Variants in SGCD observed in about 807,000 individuals in gnomAD.
SGCD encodes sarcoglycan delta, also known as delta-sarcoglycan.
In SGCD, 18 loss-of-function variants were observed where a neutral mutation model predicts 36.6. That is an observed-to-expected ratio of 0.49 (90% confidence interval 0.34 to 0.73). SGCD has a LOEUF of 0.73. SGCD is among the 30% of genes least tolerant of loss of function. The probability of loss-of-function intolerance (pLI) is 0.01; values close to 1 mark genes in which losing one functional copy is unlikely to be tolerated. For synonymous variants in SGCD, 133 were observed against 130.6 expected (o/e 1.02, Z -0.12); for missense variants, 387 against 346.7 (o/e 1.12, Z -0.92).
intron 7 of SGCD, among the ~76,000 whole-genome samples, chr5:156,683,141 G>C (rs971513364): frequency 5.9e-5 from 9 of 152,190 alleles, no homozygotes. Flanking sequence ...GAGATATATA[G>C]ATGTTTAGTT....
chr5:155,754,178 A>G, the SGCD span, among the ~76,000 whole-genome samples: 1 of 152,230 alleles, frequency 6.6e-6, no homozygotes, highest in Admixed American at 6.5e-5. Context: ...ACCTGTGACC[A>G]TGAATGCTTT....
At chr5:156,172,112 G>C (rs1251284332) in intron 3 of SGCD, among the ~76,000 whole-genome samples, 1 of 152,046 alleles carries the variant, frequency 6.6e-6, no homozygotes, top group Non-Finnish European at 1.5e-5. Flanking sequence ...GTGAAATCCT[G>C]TCTCTACTAA....
intron 3 of SGCD, among the ~76,000 whole-genome samples, chr5:156,292,980 TTCTC>T (rs1766798560): frequency 6.6e-6 from 1 of 151,876 alleles, no homozygotes; most frequent in Non-Finnish European, 1.5e-5. Context: ...GTTTTAGGAG[TTCTC>T]TCTATATTCT....
chr5:156,436,671 T>C (rs540352332), intron 3 of SGCD, among the ~76,000 whole-genome samples: 8 of 152,326 alleles, frequency 5.3e-5, no homozygotes, highest in African/African-American at 1.9e-4. Context: ...TTGCCTTTCC[T>C]ATTATATCAT....
chr5:155,805,834 C>T, the SGCD span, among the ~76,000 whole-genome samples: 1 of 152,296 alleles, frequency 6.6e-6, no homozygotes, highest in South Asian at 2.1e-4. Flanking sequence ...GTCATTTACA[C>T]TAGGACAACC....
At chr5:156,001,716 TAAG>T (rs926582072) in intron 1 of SGCD, among the ~76,000 whole-genome samples, 6 of 152,346 alleles carry the variant, frequency 3.9e-5, no homozygotes, top group Admixed American at 3.9e-4. Context: ...TGAAATCTAT[TAAG>T]AAGAAGAATA....
At chr5:156,641,986 A>G (rs1763043767) in intron 6 of SGCD, among the ~76,000 whole-genome samples, 1 of 152,116 alleles carries the variant, frequency 6.6e-6, no homozygotes, top group Non-Finnish European at 1.5e-5. Context: ...TAAAAAACAG[A>G]AATTTATTTT....
chr5:156,275,982 G>C (rs1766309695), intron 3 of SGCD, among the ~76,000 whole-genome samples: 1 of 152,114 alleles, frequency 6.6e-6, no homozygotes, highest in East Asian at 1.9e-4. Flanking sequence ...TCCAGTGTCA[G>C]TTTCGGGTAT....
chr5:155,771,259 CT>C, the SGCD span, among the ~76,000 whole-genome samples: 9,480 of 151,674 alleles, frequency 0.063, 953 homozygotes, highest in African/African-American at 0.22. Context: ...TAGATTTTTC[CT>C]TTTTTTAACA....
chr5:156,024,756 G>T (rs559643236), intron 1 of SGCD, among the ~76,000 whole-genome samples: 1 of 152,026 alleles, frequency 6.6e-6, no homozygotes. Context: ...TTAGGAGTTC[G>T]CAACCAGCCT....
chr5:156,055,146 C>A (rs1760027409), intron 1 of SGCD, among the ~76,000 whole-genome samples: 1 of 131,226 alleles, frequency 7.6e-6, no homozygotes. Flanking sequence ...TTCCAGTTTT[C>A]TATTTTTTTT....
the SGCD span, among the ~76,000 whole-genome samples, chr5:155,849,141 C>A: frequency 6.6e-6 from 1 of 152,130 alleles, no homozygotes; most frequent in East Asian, 1.9e-4. Flanking sequence ...TCCTCAAGTT[C>A]TGCACATTTA....
At chr5:156,333,783 ATTTTTTTTTTTTTTTTTTTTTTTTT>A (rs70984404) in intron 2 of SGCD, among the ~76,000 whole-genome samples, 1 of 19,932 alleles carries the variant, frequency 5.0e-5, no homozygotes, top group Non-Finnish European at 9.5e-5. Flanking sequence ...TAGAAAAGTG[ATTTTTTTTTTTTTTTTTTTTTTTTT>A]TTTTTTTTTT....
At chr5:155,759,197 GT>G in the SGCD span, among the ~76,000 whole-genome samples, 1 of 151,990 alleles carries the variant, frequency 6.6e-6, no homozygotes, top group South Asian at 2.1e-4. Flanking sequence ...GTTGTAATAA[GT>G]TTGCATTATA....
At chr5:156,708,065 A>G (rs1754818350) in intron 7 of SGCD, among the ~76,000 whole-genome samples, 1 of 152,122 alleles carries the variant, frequency 6.6e-6, no homozygotes, top group Admixed American at 6.6e-5. Context: ...TTGTGGTGCT[A>G]GTTTTGGGGT....
chr5:156,153,050 A>T (rs1220452232), intron 3 of SGCD, among the ~76,000 whole-genome samples: 1 of 151,624 alleles, frequency 6.6e-6, no homozygotes, highest in Non-Finnish European at 1.5e-5. Context: ...TCATGTCAAC[A>T]TGTATTTATG....
chr5:156,264,986 A>G (rs1765962697), intron 3 of SGCD, among the ~76,000 whole-genome samples: 1 of 152,176 alleles, frequency 6.6e-6, no homozygotes, highest in Non-Finnish European at 1.5e-5. Context: ...AGTCACCACC[A>G]TCATTCAGTG....
chr5:156,354,200 G>T (rs1395232698), intron 3 of SGCD, among the ~76,000 whole-genome samples: 1 of 152,130 alleles, frequency 6.6e-6, no homozygotes, highest in Non-Finnish European at 1.5e-5. Context: ...GCTAAAGTTA[G>T]AGGGCACTGG....
chr5:156,595,394 T>C (rs915485640), intron 6 of SGCD, among the ~76,000 whole-genome samples: 1 of 152,170 alleles, frequency 6.6e-6, no homozygotes, highest in Admixed American at 6.5e-5. Context: ...CCTCCAGAAC[T>C]GTGAGAAATC....
Sources: gnomAD v4.1 joint callset for allele counts (sites outside exome capture counted in the v4.1 genomes callset) on GRCh38, gnomAD v4.1.1 for gene constraint, MANE v1.5 for transcripts, NCBI Gene and HGNC (gene_info 2026-07-23, HGNC 2026-07-21) for gene names.